The following SMARCC1 variants were observed in gnomAD, a reference collection of about 807,000 sequenced individuals.
SMARCC1 encodes the protein SWI/SNF complex subunit SMARCC1.
SMARCC1 carries 43 observed loss-of-function variants against 147.4 expected under a neutral mutation model. The observed-to-expected ratio is 0.29, with a 90% CI of 0.23 to 0.38. The LOEUF is 0.38. Among genes scored for constraint, SMARCC1 ranks in the 10% least tolerant of loss-of-function variants. The probability of loss-of-function intolerance (pLI) is 1.00; values close to 1 mark genes in which losing one functional copy is unlikely to be tolerated. For synonymous variants in SMARCC1, 495 were observed against 484.4 expected, an observed-to-expected ratio of 1.02 and a Z score of -0.29; for missense variants, 1,119 against 1,381.1, an observed-to-expected ratio of 0.81 and a Z score of 3.01.
intron 21 of SMARCC1, among the ~76,000 whole-genome samples, chr3:47,650,005 G>A (rs1344507951): frequency 6.6e-6 from 1 of 152,148 alleles, no homozygotes; most frequent in Non-Finnish European, 1.5e-5. Flanking sequence ...GGCCGGGCTT[G>A]GTGGCTCACG....
chr3:47,723,302 A>G (rs1186363473), intron 6 of SMARCC1, among the ~76,000 whole-genome samples: 1 of 151,476 alleles, frequency 6.6e-6, no homozygotes, highest in Non-Finnish European at 1.5e-5. Flanking sequence ...TACAGTTAAT[A>G]TAATAATTGA....
intron 25 of SMARCC1, among the ~76,000 whole-genome samples, chr3:47,615,065 A>G (rs2032619695): frequency 2.6e-5 from 4 of 152,144 alleles, no homozygotes; most frequent in Admixed American, 1.3e-4. Flanking sequence ...AAGTTTCTCA[A>G]TAAGGCCTAA....
At chr3:47,698,731 C>T (rs2033884370) in intron 11 of SMARCC1, among the ~76,000 whole-genome samples, 1 of 151,526 alleles carries the variant, frequency 6.6e-6, no homozygotes, top group Non-Finnish European at 1.5e-5. Flanking sequence ...AACCTAAGAG[C>T]TATAATAGCA....
intron 2 of SMARCC1, among the ~76,000 whole-genome samples, chr3:47,768,703 G>A (rs2034870480): frequency 6.6e-6 from 1 of 152,010 alleles, no homozygotes; most frequent in Admixed American, 6.6e-5. Context: ...AAGAGAACAG[G>A]AAATGAATAC....
intron 8 of SMARCC1, among the ~76,000 whole-genome samples, chr3:47,712,013 AC>A (rs2034089819): frequency 6.6e-6 from 1 of 152,168 alleles, no homozygotes; most frequent in African/African-American, 2.4e-5. Flanking sequence ...CGGGCAGATC[AC>A]CTGAGGTCGG....
At chr3:47,617,812 C>T (rs1253609582) in intron 25 of SMARCC1, among the ~76,000 whole-genome samples, 1 of 152,146 alleles carries the variant, frequency 6.6e-6, no homozygotes, top group African/African-American at 2.4e-5. Context: ...TTTATACATT[C>T]CCACTGAAAA....
intron 23 of SMARCC1, among the ~76,000 whole-genome samples, chr3:47,635,626 T>A (rs2032959104): frequency 6.6e-6 from 1 of 152,152 alleles, no homozygotes; most frequent in African/African-American, 2.4e-5. Flanking sequence ...GGGAACTAAG[T>A]CTAAGGCCAA....
At position 47,751,575 on chromosome 3, in the gene SMARCC1, A is replaced by G. The variant is rs946788028; in HGVS notation, c.316-5582T>C. On this transcript the variant is annotated intron_variant, in intron 2 of 27. Transcript: ENST00000254480. ...AAAAAAGAAAACAAAACTGACATTC[A>G]ATTTTCCAATGGTAAAATATACATA... is the stretch of plus-strand genomic sequence containing the variant. Among the ~76,000 whole-genome samples the G allele has an allele frequency of 2.0e-5, 3 of 151,874 alleles. No individual in the cohort carries two copies. In the East Asian group the frequency reaches 5.9e-4, roughly 30 times the overall value.
chr3:47,700,066 A>G (rs2033898475), intron 11 of SMARCC1, among the ~76,000 whole-genome samples: 1 of 152,038 alleles, frequency 6.6e-6, no homozygotes, highest in Non-Finnish European at 1.5e-5. Flanking sequence ...AAAAAGAGAT[A>G]TAATTTACTA....
intron 27 of SMARCC1, among the ~76,000 whole-genome samples, chr3:47,589,756 G>C (rs925386527): frequency 1.3e-5 from 2 of 152,084 alleles, no homozygotes; most frequent in African/African-American, 4.8e-5. Context: ...TGTAACCTTT[G>C]GTAAGTTCTA....
chr3:47,776,356 C>A (rs1243277343), intron 1 of SMARCC1, among the ~76,000 whole-genome samples: 1 of 152,026 alleles, frequency 6.6e-6, no homozygotes, highest in Non-Finnish European at 1.5e-5. Context: ...AATCTCAGAA[C>A]TTTGGGAGGC....
chr3:47,735,533 G>C (rs2034431316), intron 5 of SMARCC1, among the ~76,000 whole-genome samples: 1 of 152,088 alleles, frequency 6.6e-6, no homozygotes, highest in Non-Finnish European at 1.5e-5. Context: ...ACTTTGGGAG[G>C]CTGAGGTGGG....
At chr3:47,599,086 GT>G (rs565234874) in intron 26 of SMARCC1, among the ~76,000 whole-genome samples, 187 of 152,100 alleles carry the variant, frequency 1.2e-3, no homozygotes, top group African/African-American at 4.1e-3. Context: ...CATTTCTCTT[GT>G]TTTAAGTTAT....
At chr3:47,686,225 T>C (rs1379603112) in intron 13 of SMARCC1, 55 bp from the exon 14 acceptor site, 2 of 1,381,808 alleles carry the variant, frequency 1.4e-6, no homozygotes, top group South Asian at 2.4e-5. Context: ...GAGAGATATA[T>C]ATAACATCTC....
At chr3:47,652,617 C>T (rs1272432493) in intron 21 of SMARCC1, among the ~76,000 whole-genome samples, 4 of 60,678 alleles carry the variant, frequency 6.6e-5, no homozygotes, top group East Asian at 6.0e-4. Flanking sequence ...AGTTTCCTTG[C>T]TTTTGCAAAA....
At position 47,590,855 on chromosome 3, in the gene SMARCC1, A is replaced by T. The variant is rs755198223; in HGVS notation, c.3044-18T>A. 4 of 1,592,206 alleles carry T rather than the reference A, an allele frequency of 2.5e-6. No homozygotes were observed. In the East Asian group the frequency reaches 6.9e-5, roughly 27 times the overall value. On this transcript the variant is annotated intron_variant, in intron 26 of 27. Transcript: ENST00000254480. ...TATCTGACCTGTGGAGGGAGATTTA[A>T]AGTACTGTAAGTATACTAGAAAGGG...
chr3:47,747,096 G>A (rs2106842230), intron 2 of SMARCC1, among the ~76,000 whole-genome samples: 1 of 152,068 alleles, frequency 6.6e-6, no homozygotes, highest in South Asian at 2.1e-4. Context: ...AGGAGTCTGA[G>A]ACCAGCTTGG....
intron 5 of SMARCC1, among the ~76,000 whole-genome samples, chr3:47,729,813 G>T (rs189381042): frequency 6.6e-6 from 1 of 152,074 alleles, no homozygotes; most frequent in African/African-American, 2.4e-5. Flanking sequence ...CAGATACATC[G>T]TCAAGTTCAG....
chr3:47,697,069 C>A (rs887514345), intron 11 of SMARCC1, among the ~76,000 whole-genome samples: 3 of 152,128 alleles, frequency 2.0e-5, no homozygotes, highest in African/African-American at 7.2e-5. Context: ...GACATGGTAG[C>A]TTGCAATTTG....
Sources: allele counts gnomAD v4.1 joint callset (sites outside exome capture counted in the v4.1 genomes callset), GRCh38; gene constraint gnomAD v4.1.1; transcripts MANE v1.5; gene names NCBI Gene and HGNC (gene_info 2026-07-23, HGNC 2026-07-21).